The following STK32C variants were observed in gnomAD, a reference collection of about 807,000 sequenced individuals.
STK32C encodes serine/threonine-protein kinase 32C.
Under a neutral mutation model 56.5 loss-of-function variants are expected in STK32C, and 31 were observed. The observed-to-expected ratio is 0.55, with a 90% CI of 0.41 to 0.74. STK32C has a LOEUF of 0.74. STK32C is among the 30% of genes least tolerant of loss of function. STK32C has a pLI of 0.00. For missense variants in STK32C, 544 were observed against 676.9 expected, an observed-to-expected ratio of 0.80 and a Z score of 2.18; for synonymous variants, 309 against 289.4, an observed-to-expected ratio of 1.07 and a Z score of -0.69.
At chr10:132,295,880 C>CT (rs1161600403) in intron 1 of STK32C, among the ~76,000 whole-genome samples, 5 of 150,912 alleles carry the variant, frequency 3.3e-5, no homozygotes, top group African/African-American at 1.2e-4. Flanking sequence ...AAGATTCCAT[C>CT]TTAAAAAAAA....
At chr10:132,213,376 A>AG (rs1173974158) in intron 10 of STK32C, among the ~76,000 whole-genome samples, 2 of 152,238 alleles carry the variant, frequency 1.3e-5, no homozygotes, top group African/African-American at 4.8e-5. Flanking sequence ...GCAGTGTGAC[A>AG]GGGATTCCAG....
chr10:132,331,765 G>C lies in STK32C; in HGVS notation c.-29C>G, dbSNP rs750116656. The C allele has an allele frequency of 1.9e-6, 3 of 1,609,974 alleles. No homozygotes were observed. In the African/African-American group the frequency reaches 4.0e-5, roughly 21 times the overall value. On this transcript the variant is annotated 5_prime_UTR_variant, in exon 1 of 2. Transcript: ENST00000368619. ...GCTCTCTTCCTTCCCCTCTGTGCCA[G>C]GCCGGTCGCCCCTCCAGACCCTCGC...
chr10:132,209,384 C>T, intron 10 of STK32C: 2 of 664,300 alleles, frequency 3.0e-6, no homozygotes, highest in Non-Finnish European at 5.6e-6. Flanking sequence ...CAGGCAGAAG[C>T]TGTTCTCTGC....
At chr10:132,252,532 C>T (rs571742611) in intron 1 of STK32C, among the ~76,000 whole-genome samples, 18 of 152,364 alleles carry the variant, frequency 1.2e-4, no homozygotes, top group African/African-American at 2.9e-4. Flanking sequence ...GAGAAGCAGA[C>T]GCAGCTCCCC....
At chr10:132,234,021 G>A (rs1341874757) in intron 2 of STK32C, among the ~76,000 whole-genome samples, 5 of 152,308 alleles carry the variant, frequency 3.3e-5, no homozygotes, top group Admixed American at 2.0e-4. Context: ...GCAAGCGATC[G>A]TTCCGATGAG....
chr10:132,207,705 A>T lies in STK32C; in HGVS notation c.*305T>A. ...CAGCCTCCGGGCTGAGCAGGGACAA[A>T]GACTCCTGTCCCATCCATGGCCCCA... On this transcript the variant is annotated 3_prime_UTR_variant, in exon 12 of 12. Coordinates refer to ENST00000298630, the MANE Select transcript of STK32C (RefSeq NM_173575.4). 1 of 286,052 alleles carries T rather than the reference A, an allele frequency of 3.5e-6. No individual in the cohort carries two copies. 17.7% of individuals were successfully genotyped at this position (286,052 alleles called of 1,614,324 possible).
intron 2 of STK32C, among the ~76,000 whole-genome samples, chr10:132,239,140 C>A (rs913779644): frequency 1.3e-5 from 2 of 152,222 alleles, no homozygotes; most frequent in Non-Finnish European, 2.9e-5. Context: ...CTGAGAGCCA[C>A]AGGCTGGAAC....
chr10:132,238,116 G>A (rs35542184), intron 2 of STK32C, among the ~76,000 whole-genome samples: 9,120 of 152,206 alleles, frequency 0.06, 346 homozygotes, highest in South Asian at 0.12. Context: ...CAGTGCTGGC[G>A]GGGGAACTTC....
chr10:132,285,999 G>T (rs141722806), intron 1 of STK32C, among the ~76,000 whole-genome samples: 2 of 152,112 alleles, frequency 1.3e-5, no homozygotes, highest in African/African-American at 4.8e-5. Context: ...GGTGGCGGGC[G>T]CCTGTCATCC....
At chr10:132,292,637 A>G (rs2065603879) in intron 1 of STK32C, among the ~76,000 whole-genome samples, 2 of 152,184 alleles carry the variant, frequency 1.3e-5, no homozygotes, top group Admixed American at 1.3e-4. Context: ...ATACCCATAC[A>G]GGCTAATCCA....
At chr10:132,284,267 G>A (rs1300848111) in intron 1 of STK32C, among the ~76,000 whole-genome samples, 1 of 145,050 alleles carries the variant, frequency 6.9e-6, no homozygotes, top group Non-Finnish European at 1.5e-5. Context: ...GCATCAAGGT[G>A]GAGAACAGGG....
intron 10 of STK32C, among the ~76,000 whole-genome samples, chr10:132,220,493 C>T (rs1590156298): frequency 6.6e-6 from 1 of 152,196 alleles, no homozygotes; most frequent in Non-Finnish European, 1.5e-5. Flanking sequence ...ACACGAACCA[C>T]GTCCACATTG....
chr10:132,316,873 A>T (rs528485125), intron 1 of STK32C, among the ~76,000 whole-genome samples: 11 of 151,966 alleles, frequency 7.2e-5, no homozygotes, highest in African/African-American at 2.7e-4. Context: ...GGCCAACATG[A>T]TGAAACCCCG....
At chr10:132,274,284 G>C (rs1048503928) in intron 1 of STK32C, among the ~76,000 whole-genome samples, 2 of 152,196 alleles carry the variant, frequency 1.3e-5, no homozygotes, top group Non-Finnish European at 2.9e-5. Flanking sequence ...ACTCACACGA[G>C]GGTAATGTGG....
At chr10:132,326,973 T>TA (rs1417234143) in intron 1 of STK32C, among the ~76,000 whole-genome samples, 8 of 152,180 alleles carry the variant, frequency 5.3e-5, no homozygotes, top group Non-Finnish European at 1.0e-4. Flanking sequence ...AGGGATTACA[T>TA]AAAAAAACTA....
chr10:132,298,564 G>A (rs1322743095), intron 1 of STK32C, among the ~76,000 whole-genome samples: 51 of 152,098 alleles, frequency 3.4e-4, no homozygotes, highest in Admixed American at 3.3e-3. Context: ...TGAGATCCTC[G>A]CTGTGGCTTC....
chr10:132,278,023 C>A (rs2065039942), intron 1 of STK32C, among the ~76,000 whole-genome samples: 1 of 152,206 alleles, frequency 6.6e-6, no homozygotes, highest in Non-Finnish European at 1.5e-5. Flanking sequence ...CCAGTTCCCT[C>A]CAGGGAGAGG....
chr10:132,265,719 A>G (rs549234647), intron 1 of STK32C, among the ~76,000 whole-genome samples: 1 of 152,384 alleles, frequency 6.6e-6, no homozygotes, highest in East Asian at 1.9e-4. Flanking sequence ...GCCCAGGCAG[A>G]TGCTTCACAG....
At chr10:132,230,235 T>A (rs1284190080) in intron 2 of STK32C, among the ~76,000 whole-genome samples, 1 of 152,236 alleles carries the variant, frequency 6.6e-6, no homozygotes, top group Non-Finnish European at 1.5e-5. Context: ...GTTGAGGGTT[T>A]CAGAATGACA....
Sources: allele counts gnomAD v4.1 joint callset (sites outside exome capture counted in the v4.1 genomes callset), GRCh38; gene constraint gnomAD v4.1.1; transcripts MANE v1.5; gene names NCBI Gene and HGNC (gene_info 2026-07-23, HGNC 2026-07-21).